Variants in CELF2 observed in about 807,000 individuals in gnomAD.
CELF2 encodes the protein CUG triplet repeat RNA-binding protein 2.
Under a neutral mutation model 62.6 loss-of-function variants are expected in CELF2, and 8 were observed. That is an observed-to-expected ratio of 0.13 (90% CI 0.07 to 0.23). CELF2 has a LOEUF of 0.23. Ranked by LOEUF, CELF2 falls within the 10% of genes least tolerant of loss-of-function variation. CELF2 has a pLI of 1.00. For synonymous variants in CELF2, 258 were observed against 250.0 expected (o/e 1.03, Z -0.30); for missense variants, 333 against 671.0 (o/e 0.50, Z 5.56).
At chr10:10,663,193 T>C in the CELF2 span, among the ~76,000 whole-genome samples, 8 of 152,288 alleles carry the variant, frequency 5.3e-5, no homozygotes, top group Non-Finnish European at 1.2e-4. Context: ...ACACTCAAAA[T>C]ATTGTGAGGA....
intron 1 of CELF2, chr10:11,096,219 G>C (rs1014547079): frequency 6.6e-6 from 1 of 152,250 alleles, no homozygotes; most frequent in Non-Finnish European, 1.5e-5. Context: ...CTCTTGAGAA[G>C]TGCTATGTTA....
rs181761215 is a variant in CELF2, at chr10:11,245,115, T to G, written c.355-4038T>G. Among the ~76,000 whole-genome samples the G allele has an allele frequency of 1.1e-4, 16 of 152,316 alleles. No individual in the cohort carries two copies. The East Asian group carries it at 2.9e-3, about 28-fold the overall frequency. ...TGAATAAACGAGCAGTCATACTGGG[T>G]CAAATCATTGAAACCATTTCTGTTA... On this transcript the variant is annotated intron_variant, in intron 3 of 12. Transcript: ENST00000633077.
chr10:10,968,360 T>A (rs78950354), intron 2 of CELF2, among the ~76,000 whole-genome samples: 2,896 of 152,320 alleles, frequency 0.019, 33 homozygotes, highest in Middle Eastern at 0.027. Flanking sequence ...GTGATGATGT[T>A]TAGAATACCA....
rs148935194 is a variant in CELF2 at position 11,111,769 on chromosome 10, G to A, written c.75-53717G>A. Among the ~76,000 whole-genome samples, 15 of 152,322 alleles carry A rather than the reference G, an allele frequency of 9.8e-5. No homozygotes were observed. In the East Asian group the frequency reaches 1.9e-3, roughly 20 times the overall value. On this transcript the variant is annotated intron_variant, in intron 1 of 12. Coordinates refer to ENST00000633077, the MANE Select transcript of CELF2 (RefSeq NM_001326342.2). ...GCCCCAAGTTCACGTTGGATACGCC[G>A]AAACTCAGCGTGTTTCCACAGGCAA... is the stretch of plus-strand genomic sequence containing the variant.
chr10:10,798,038 A>G, upstream of CELF2, among the ~76,000 whole-genome samples: 1 of 152,256 alleles, frequency 6.6e-6, no homozygotes, highest in African/African-American at 2.4e-5. Context: ...GTTTAAAGAG[A>G]TTCTGCATTT....
At chr10:11,093,977 T>C (rs1041384859) in intron 1 of CELF2, among the ~76,000 whole-genome samples, 1 of 152,232 alleles carries the variant, frequency 6.6e-6, no homozygotes, top group Admixed American at 6.5e-5. Flanking sequence ...TTACAGTTCA[T>C]TTCTGCTAAT....
the CELF2 span, among the ~76,000 whole-genome samples, chr10:10,545,580 C>T: frequency 1.3e-5 from 2 of 152,182 alleles, no homozygotes; most frequent in Non-Finnish European, 2.9e-5. Context: ...TAAAATGGTG[C>T]TTTATTCCAT....
chr10:10,521,187 C>T, the CELF2 span, among the ~76,000 whole-genome samples: 1 of 152,156 alleles, frequency 6.6e-6, no homozygotes, highest in Non-Finnish European at 1.5e-5. Flanking sequence ...GAATTAAAGA[C>T]AGTGAGTCGT....
chr10:11,022,286 T>G (rs1410890963), intron 1 of CELF2, among the ~76,000 whole-genome samples: 1 of 152,228 alleles, frequency 6.6e-6, no homozygotes. Context: ...TCATCCCACA[T>G]TGGCTTTTTA....
At chr10:10,547,975 C>T in the CELF2 span, among the ~76,000 whole-genome samples, 109 of 152,148 alleles carry the variant, frequency 7.2e-4, 1 homozygote, top group East Asian at 0.017. Flanking sequence ...ATAAAAGGTG[C>T]GGCTCTTTTA....
At chr10:11,042,327 G>C (rs1390137224) in intron 1 of CELF2, among the ~76,000 whole-genome samples, 2 of 152,218 alleles carry the variant, frequency 1.3e-5, no homozygotes, top group Non-Finnish European at 2.9e-5. Flanking sequence ...GCAGAGGTCA[G>C]AGCAAAGGTG....
chr10:11,193,209 C>T (rs1211382768), intron 2 of CELF2, among the ~76,000 whole-genome samples: 1 of 152,090 alleles, frequency 6.6e-6, no homozygotes, highest in African/African-American at 2.4e-5. Context: ...TTCTCAGGCA[C>T]CATGAGGATC....
the CELF2 span, among the ~76,000 whole-genome samples, chr10:10,576,097 G>T: frequency 6.6e-6 from 1 of 152,192 alleles, no homozygotes; most frequent in Admixed American, 6.6e-5. Context: ...TGCTTTATCT[G>T]GCTGGGCCTT....
the CELF2 span, among the ~76,000 whole-genome samples, chr10:10,603,784 T>TACACACACACAC: frequency 6.7e-6 from 1 of 148,446 alleles, no homozygotes; most frequent in Non-Finnish European, 1.5e-5. Context: ...TATTTACACA[T>TACACACACACAC]ACACACACAC....
chr10:11,296,254 G>A lies in CELF2; in HGVS notation c.976+7702G>A, dbSNP rs188381022. On this transcript the variant is annotated intron_variant, in intron 9 of 12. Transcript: ENST00000633077. This position sits in a 1 kb window ranked among gnomAD's most constrained non-coding sequence, Gnocchi z 5.0. ...TTCACGTATTTGCTTTTTGCTGTTG[G>A]TGGCGCTGGACTCTGTGCTAAGTGT... Among the ~76,000 whole-genome samples the A allele has an allele frequency of 8.5e-5, 13 of 152,258 alleles. No individual in the cohort carries two copies. Among genetic ancestry groups the A allele is most frequent in the Non-Finnish European group, 2.9e-5 (2 of 68,008 alleles).
At chr10:10,685,068 G>T in the CELF2 span, among the ~76,000 whole-genome samples, 8 of 152,038 alleles carry the variant, frequency 5.3e-5, no homozygotes, top group Non-Finnish European at 7.4e-5. Flanking sequence ...GGCTTCAAAG[G>T]GTTGTCAGGG....
chr10:10,620,301 G>A, the CELF2 span, among the ~76,000 whole-genome samples: 1 of 152,096 alleles, frequency 6.6e-6, no homozygotes, highest in Non-Finnish European at 1.5e-5. Flanking sequence ...AGGAGGCTGA[G>A]GTAGAGGGAT....
At chr10:10,946,189 T>C (rs1482806876) in intron 2 of CELF2, 2 of 152,632 alleles carry the variant, frequency 1.3e-5, no homozygotes, top group African/African-American at 2.4e-5. Context: ...TTATGGCCTC[T>C]GGCTCATAAT....
the CELF2 span, among the ~76,000 whole-genome samples, chr10:10,742,625 T>C: frequency 6.7e-6 from 1 of 149,022 alleles, no homozygotes; most frequent in South Asian, 2.1e-4. Flanking sequence ...TTTACTCAGG[T>C]GAAATTAACT....
Sources: gnomAD v4.1 joint callset for allele counts (sites outside exome capture counted in the v4.1 genomes callset) on GRCh38, gnomAD v4.1.1 for gene constraint, Gnocchi (gnomAD v3.1) non-coding constraint, MANE v1.5 for transcripts, NCBI Gene and HGNC (gene_info 2026-07-23, HGNC 2026-07-21) for gene names.